The following GRM7 variants were observed in gnomAD, a reference collection of about 807,000 sequenced individuals.
The protein encoded by GRM7 is metabotropic glutamate receptor 7.
A neutral mutation model predicts 84.5 loss-of-function variants in GRM7; 35 were observed. That is an observed-to-expected ratio of 0.41 (90% CI 0.32 to 0.55). GRM7 has a LOEUF of 0.55. Ranked by LOEUF, GRM7 falls within the 20% of genes least tolerant of loss-of-function variation. The pLI is 0.19. For synonymous variants in GRM7, 487 were observed against 455.1 expected (o/e 1.07, Z -0.89); for missense variants, 1,003 against 1,194.6 (o/e 0.84, Z 2.36).
At chr3:6,865,221 C>A (rs931808649) in intron 1 of GRM7, among the ~76,000 whole-genome samples, 1 of 152,124 alleles carries the variant, frequency 6.6e-6, no homozygotes, top group East Asian at 1.9e-4. Flanking sequence ...AAAGATTAAA[C>A]GTAAATTAAT....
At chr3:7,504,262 A>G (rs1362885371) in intron 7 of GRM7, among the ~76,000 whole-genome samples, 6 of 152,174 alleles carry the variant, frequency 3.9e-5, no homozygotes, top group Non-Finnish European at 8.8e-5. Flanking sequence ...TGGCTGAACC[A>G]CTTTTCTTGA....
intron 9 of GRM7, among the ~76,000 whole-genome samples, chr3:7,731,286 G>A (rs560818152): frequency 3.3e-5 from 5 of 152,180 alleles, no homozygotes; most frequent in African/African-American, 1.2e-4. Context: ...TAACCCATAG[G>A]AGAATACTGA....
At chr3:7,161,168 A>G (rs1262207880) in intron 2 of GRM7, among the ~76,000 whole-genome samples, 2 of 151,948 alleles carry the variant, frequency 1.3e-5, no homozygotes, top group African/African-American at 4.8e-5. Flanking sequence ...TGCTGACCCC[A>G]TCTTTACTGT....
chr3:7,622,233 A>C (rs1172858108), intron 8 of GRM7, among the ~76,000 whole-genome samples: 1 of 152,094 alleles, frequency 6.6e-6, no homozygotes, highest in Non-Finnish European at 1.5e-5. Context: ...TGCATTAAGC[A>C]CCCACTCTTT....
At chr3:6,935,016 G>A (rs1419602230) in intron 1 of GRM7, among the ~76,000 whole-genome samples, 1 of 152,096 alleles carries the variant, frequency 6.6e-6, no homozygotes, top group Non-Finnish European at 1.5e-5. Context: ...TTCCCTTTTG[G>A]TTCATTGATC....
intron 2 of GRM7, among the ~76,000 whole-genome samples, chr3:7,284,802 A>G (rs1206995709): frequency 6.6e-6 from 1 of 151,548 alleles, no homozygotes; most frequent in African/African-American, 2.4e-5. Context: ...ATTTTATATC[A>G]CCTCCCCCCT....
intron 1 of GRM7, among the ~76,000 whole-genome samples, chr3:7,031,233 A>G (rs538881687): frequency 6.6e-6 from 1 of 152,014 alleles, no homozygotes; most frequent in African/African-American, 2.4e-5. Flanking sequence ...GTCTTTTGCT[A>G]CAATCAAAAT....
intron 5 of GRM7, among the ~76,000 whole-genome samples, chr3:7,426,925 T>C (rs1352510212): frequency 1.3e-5 from 2 of 152,118 alleles, no homozygotes; most frequent in African/African-American, 2.4e-5. Flanking sequence ...ATTGATCAGA[T>C]TGGAGGAGAA....
chr3:7,433,698 A>G (rs1285791866), intron 5 of GRM7, among the ~76,000 whole-genome samples: 1 of 152,224 alleles, frequency 6.6e-6, no homozygotes, highest in East Asian at 1.9e-4. Context: ...ACTATTCTTG[A>G]TAAAAGATAT....
chr3:7,196,139 A>G (rs937348141), intron 2 of GRM7, among the ~76,000 whole-genome samples: 6 of 152,004 alleles, frequency 3.9e-5, no homozygotes, highest in African/African-American at 1.2e-4. Context: ...TCAGCCAATT[A>G]TAGATCCAGG....
At chr3:7,273,626 T>G (rs1178586848) in intron 2 of GRM7, among the ~76,000 whole-genome samples, 1 of 152,072 alleles carries the variant, frequency 6.6e-6, no homozygotes, top group Non-Finnish European at 1.5e-5. Flanking sequence ...CTTGATAACT[T>G]TCCTTGCTCT....
chr3:7,731,349 T>A (rs145324290), intron 9 of GRM7, among the ~76,000 whole-genome samples: 6 of 152,366 alleles, frequency 3.9e-5, no homozygotes, highest in Non-Finnish European at 7.3e-5. Context: ...CCACATATTT[T>A]TCTTTTGTTC....
chr3:6,895,146 G>A (rs533447213), intron 1 of GRM7, among the ~76,000 whole-genome samples: 11 of 152,242 alleles, frequency 7.2e-5, no homozygotes, highest in Non-Finnish European at 1.5e-4. Context: ...GAGACAGGAC[G>A]ATTATTAACA....
At chr3:7,101,213 C>T (rs1269769220) in intron 1 of GRM7, among the ~76,000 whole-genome samples, 2 of 151,544 alleles carry the variant, frequency 1.3e-5, no homozygotes, top group African/African-American at 4.8e-5. Context: ...TTTTTTTATT[C>T]CCGCAGACAA....
chr3:7,398,912 T>TTCTA (rs554117635), intron 4 of GRM7, among the ~76,000 whole-genome samples: 60 of 152,126 alleles, frequency 3.9e-4, no homozygotes, highest in Admixed American at 1.2e-3. Flanking sequence ...GACAATTCCT[T>TTCTA]TCTATCTCCA....
intron 8 of GRM7, among the ~76,000 whole-genome samples, chr3:7,650,144 T>G (rs1698859544): frequency 1.3e-5 from 2 of 152,368 alleles, no homozygotes; most frequent in Admixed American, 6.5e-5. Context: ...AAAAAATGAC[T>G]TAATGATGTT....
At chr3:7,733,776 C>T (rs970557398) in intron 9 of GRM7, among the ~76,000 whole-genome samples, 1 of 152,124 alleles carries the variant, frequency 6.6e-6, no homozygotes, top group African/African-American at 2.4e-5. Context: ...CCTACCTTTC[C>T]AGCCTTGACT....
At chr3:6,872,309 TTGCCATTTCCTCAAC>T (rs1382289589) in intron 1 of GRM7, among the ~76,000 whole-genome samples, 6 of 152,324 alleles carry the variant, frequency 3.9e-5, no homozygotes, top group Middle Eastern at 6.8e-3. Flanking sequence ...TTTTAAATGA[TTGCCATTTCCTCAAC>T]TGCCACTCTC....
intron 1 of GRM7, among the ~76,000 whole-genome samples, chr3:6,961,565 C>T (rs560251677): frequency 1.2e-4 from 18 of 152,270 alleles, no homozygotes; most frequent in East Asian, 9.7e-4. Context: ...CTCCATCAAT[C>T]GCACTTTCTC....
Sources: gnomAD v4.1 joint callset for allele counts (sites outside exome capture counted in the v4.1 genomes callset) on GRCh38, gnomAD v4.1.1 for gene constraint, MANE v1.5 for transcripts, NCBI Gene and HGNC (gene_info 2026-07-23, HGNC 2026-07-21) for gene names.